The following DPYSL2 variants were observed in gnomAD, a reference collection of about 807,000 sequenced individuals.
The protein encoded by DPYSL2 is dihydropyrimidinase-related protein 2.
Under a neutral mutation model 69.9 loss-of-function variants are expected in DPYSL2, and 13 were observed. The observed-to-expected ratio is 0.19, with a 90% CI of 0.12 to 0.30. The LOEUF is 0.30. Among genes scored for constraint, DPYSL2 ranks in the 10% least tolerant of loss-of-function variants. DPYSL2 has a pLI of 1.00. For synonymous variants in DPYSL2, 326 were observed against 359.1 expected, an observed-to-expected ratio of 0.91 and a Z score of 1.04; for missense variants, 587 against 918.9, an observed-to-expected ratio of 0.64 and a Z score of 4.67.
intron 1 of DPYSL2, among the ~76,000 whole-genome samples, chr8:26,551,567 C>A (rs1027991956): frequency 3.9e-5 from 6 of 152,142 alleles, no homozygotes; most frequent in Non-Finnish European, 7.3e-5. Flanking sequence ...AGAACTAACA[C>A]CATCAACTAA....
chr8:26,629,138 T>C (rs1041301836), intron 7 of DPYSL2, among the ~76,000 whole-genome samples: 14 of 152,182 alleles, frequency 9.2e-5, no homozygotes, highest in African/African-American at 2.2e-4. Context: ...GGTCCACGCT[T>C]TGTTCTATCC....
chr8:26,641,380 G>A lies in DPYSL2; in HGVS notation c.1127-2059G>A, dbSNP rs1459804755. Among the ~76,000 whole-genome samples, 4 of 152,212 alleles carry A rather than the reference G, an allele frequency of 2.6e-5. No homozygotes were observed. The East Asian group carries it at 7.7e-4, about 29-fold the overall frequency. ...TGTGCTTAGATGGACTGTGGCCAGCGGGACCTCCAGGCCTGGCTGGGTCAG... is the reference window on the plus strand; with the variant it reads ...TGTGCTTAGATGGACTGTGGCCAGCAGGACCTCCAGGCCTGGCTGGGTCAG... On this transcript the variant is annotated intron_variant, in intron 8 of 13. Coordinates refer to ENST00000521913, the MANE Select transcript of DPYSL2 (RefSeq NM_001197293.3). This position sits in a 1 kb window ranked among gnomAD's most constrained non-coding sequence, Gnocchi z 4.1.
rs1585569172 is a variant in DPYSL2, at chr8:26,643,378, A to AG, written c.1127-57dup. ...TGCTGGGCAGGCAGTGGCTCCTCAT[A>AG]GGGGTGGTTCCCTTCCCCCTGCATT... On this transcript the variant is annotated intron_variant, in intron 8 of 13. Coordinates refer to ENST00000521913, the MANE Select transcript of DPYSL2 (RefSeq NM_001197293.3). This position sits in a 1 kb window ranked among gnomAD's most constrained non-coding sequence, Gnocchi z 6.5. 1 of 1,515,544 alleles carries AG rather than the reference A, an allele frequency of 6.6e-7. No homozygotes were observed. The highest frequency in any genetic ancestry group is 1.4e-5 in the African/African-American group (1 of 71,650). 93.9% of individuals were successfully genotyped at this position (1,515,544 alleles called of 1,614,324 possible).
rs1802659612 is a variant in DPYSL2, at chr8:26,627,989, G to A, written c.1005+49G>A. 6.3e-7 allele frequency: 1 copy of A among 1,582,236 alleles called. No homozygotes were observed. Among genetic ancestry groups the A allele is most frequent in the Middle Eastern group, 1.8e-4 (1 of 5,502 alleles). On this transcript the variant is annotated intron_variant, in intron 7 of 13. Coordinates refer to ENST00000521913, the MANE Select transcript of DPYSL2 (RefSeq NM_001197293.3). This position sits in a 1 kb window ranked among gnomAD's most constrained non-coding sequence, Gnocchi z 6.9. ...CGTGAATCAGTGTCCCTTGGGCACTGTGCAGAGCCTCAGGGAACCTGCTTC... is the reference window on the plus strand; with the variant it reads ...CGTGAATCAGTGTCCCTTGGGCACTATGCAGAGCCTCAGGGAACCTGCTTC...
chr8:26,549,348 A>G (rs1001117716), intron 1 of DPYSL2, among the ~76,000 whole-genome samples: 3 of 151,986 alleles, frequency 2.0e-5, no homozygotes, highest in Admixed American at 2.0e-4. Context: ...AAGAAATGTC[A>G]GTAGAAACTT....
At position 26,620,461 on chromosome 8, in the gene DPYSL2, G is replaced by T. The variant is rs1585551629; in HGVS notation, c.629-3682G>T. Among the ~76,000 whole-genome samples, 1 of 151,988 alleles carries T rather than the reference G, an allele frequency of 6.6e-6. No individual in the cohort carries two copies. Among genetic ancestry groups the T allele is most frequent in the Admixed American group, 6.6e-5 (1 of 15,260 alleles). On this transcript the variant is annotated intron_variant, in intron 3 of 13. Coordinates refer to ENST00000521913, the MANE Select transcript of DPYSL2 (RefSeq NM_001197293.3). The surrounding 1 kb of genome is among the most constrained non-coding windows in gnomAD (Gnocchi z 4.5). ...AGTAGAGACGAGGTTTCATCATGTT[G>T]CCCAGGCTGGTCTCGAACTCCTGGC...
In DPYSL2 at chr8:26,514,571, C is replaced by T; in HGVS notation, c.246C>T (p.Tyr82=). The change falls in exon 1 of 14, where the codon TAC becomes TAT. Residue 82 remains tyrosine (Y), a synonymous_variant. Transcript: ENST00000521913. The surrounding 1 kb of genome is among the most constrained non-coding windows in gnomAD (Gnocchi z 8.4). ...AHLGPDPQPP[Y]SRQGRRAGGE... ...TGGGCCCGGACCCGCAGCCGCCGTACTCGCGGCAGGGCCGGCGCGCCGGCG... is the reference window on the plus strand; with the variant it reads ...TGGGCCCGGACCCGCAGCCGCCGTATTCGCGGCAGGGCCGGCGCGCCGGCG... The T allele has an allele frequency of 6.5e-7, 1 of 1,527,096 alleles. No individual in the cohort carries two copies. 94.6% of individuals were successfully genotyped at this position (1,527,096 alleles called of 1,614,324 possible).
chr8:26,577,099 G>A (rs866062221), intron 1 of DPYSL2: 4 of 438,328 alleles, frequency 9.1e-6, no homozygotes, highest in African/African-American at 8.4e-5. Flanking sequence ...CCCATACCCC[G>A]CAGCCTTCCC....
chr8:26,633,208 T>C (rs117612703), intron 7 of DPYSL2, among the ~76,000 whole-genome samples: 45 of 152,334 alleles, frequency 3.0e-4, no homozygotes, highest in East Asian at 2.3e-3. Flanking sequence ...TTGGGAGCTA[T>C]TGGGGGCAGG....
At chr8:26,600,909 A>G (rs1018375518) in intron 3 of DPYSL2, among the ~76,000 whole-genome samples, 1 of 152,020 alleles carries the variant, frequency 6.6e-6, no homozygotes, top group Non-Finnish European at 1.5e-5. Flanking sequence ...CTGCTTCCTG[A>G]TGGGGTGGGC....
intron 4 of DPYSL2, among the ~76,000 whole-genome samples, chr8:26,625,146 G>A (rs1802586465): frequency 1.3e-5 from 2 of 152,134 alleles, no homozygotes; most frequent in African/African-American, 4.8e-5. Context: ...AAGAGTCTTG[G>A]GTTTATTTCT....
At chr8:26,655,081 C>A (rs1320144258) in intron 13 of DPYSL2, among the ~76,000 whole-genome samples, 1 of 151,880 alleles carries the variant, frequency 6.6e-6, no homozygotes, top group Non-Finnish European at 1.5e-5. Context: ...CTCCTGGACT[C>A]AAGCAATCTT....
chr8:26,638,255 A>G (rs2129954499), intron 8 of DPYSL2, among the ~76,000 whole-genome samples: 1 of 152,354 alleles, frequency 6.6e-6, no homozygotes, highest in East Asian at 1.9e-4. Context: ...CAAAAGGGGT[A>G]CAAGTCAGGA....
Position 26,627,849 on chromosome 8 carries a change from C to T in DPYSL2, c.937-23C>T, listed in dbSNP as rs568431977. 1.5e-5 allele frequency: 24 copies of T among 1,612,496 alleles called. No individual in the cohort carries two copies. The South Asian group carries it at 2.4e-4, about 16-fold the overall frequency. On this transcript the variant is annotated intron_variant, in intron 6 of 13. Transcript: ENST00000521913. The surrounding 1 kb of genome is among the most constrained non-coding windows in gnomAD (Gnocchi z 6.9). ...TGCAAAATCCACTCTCCCTCACAGC[C>T]TGACTTTCTCTAAACATTGCAGGAG...
rs1803376683 is a variant in DPYSL2, at chr8:26,655,870, C to T, written c.*164C>T. Reference sequence around the variant, plus strand: ...ATGGGGTCCCCCTTGGGGCCCCACACCCCGTCTCTCACCAAGAGTTACTGA... The same window carrying T: ...ATGGGGTCCCCCTTGGGGCCCCACATCCCGTCTCTCACCAAGAGTTACTGA... On this transcript the variant is annotated 3_prime_UTR_variant, in exon 14 of 14. Transcript: ENST00000521913. The T allele has an allele frequency of 1.8e-6, 1 of 544,626 alleles. No homozygotes were observed. The highest frequency in any genetic ancestry group is 3.1e-6 in the Non-Finnish European group (1 of 324,442). The allele number at this position is 544,626 out of a possible 1,614,324, so 33.7% of individuals were successfully genotyped here.
rs375276541 is a variant in DPYSL2 at position 26,556,275 on chromosome 8, G to C, written c.355-25694G>C. Among the ~76,000 whole-genome samples, 10 of 9,080 alleles carry C rather than the reference G, an allele frequency of 1.1e-3. 1 individual carries two copies. Among genetic ancestry groups the C allele is most frequent in the South Asian group, 3.2e-3 (1 of 310 alleles). 6.0% of individuals were successfully genotyped at this position (9,080 alleles called of 152,430 possible). A position where few individuals can be genotyped will look rare whatever the true frequency, so the allele number is the denominator to read the frequency against. On this transcript the variant is annotated intron_variant, in intron 1 of 13. Transcript: ENST00000521913. The stretch of plus-strand genomic sequence containing the variant: ...GTATATATATACTATAGTATATATA[G>C]TATTTATATAATATATATAGTATAT...
intron 10 of DPYSL2, among the ~76,000 whole-genome samples, chr8:26,645,050 A>G (rs1354660057): frequency 6.6e-6 from 1 of 152,092 alleles, no homozygotes; most frequent in Admixed American, 6.5e-5. Context: ...ATTTTTTGCT[A>G]CTACACAGGC....
chr8:26,643,781 GGAT>G lies in DPYSL2; in HGVS notation c.1284-168_1284-166del, dbSNP rs1452416171. ...TAGCACCATTTTGGGAGGGGATTCT[GGAT>G]AAAAACCTGGGCCATGTTGAAAGTC... On this transcript the variant is annotated intron_variant, in intron 9 of 13. Coordinates refer to ENST00000521913, the MANE Select transcript of DPYSL2 (RefSeq NM_001197293.3). This position sits in a 1 kb window ranked among gnomAD's most constrained non-coding sequence, Gnocchi z 6.5. Among the ~76,000 whole-genome samples, 1 of 152,184 alleles carries G rather than the reference GGAT, an allele frequency of 6.6e-6. No homozygotes were observed. The highest frequency in any genetic ancestry group is 6.5e-5 in the Admixed American group (1 of 15,280).
intron 1 of DPYSL2, among the ~76,000 whole-genome samples, chr8:26,554,538 A>G (rs556320023): frequency 2.0e-5 from 3 of 151,876 alleles, no homozygotes; most frequent in Non-Finnish European, 4.4e-5. Flanking sequence ...CCATATGTCA[A>G]TTTTTGCTTT....
Sources: gnomAD v4.1 joint callset for allele counts (sites outside exome capture counted in the v4.1 genomes callset) on GRCh38, gnomAD v4.1.1 for gene constraint, Gnocchi (gnomAD v3.1) non-coding constraint, MANE v1.5 for transcripts, NCBI Gene and HGNC (gene_info 2026-07-23, HGNC 2026-07-21) for gene names.